Variants in MED13 observed in about 807,000 individuals in gnomAD.
MED13 encodes mediator complex subunit 13.
MED13 carries 23 observed loss-of-function variants against 225.2 expected under a neutral mutation model. The observed-to-expected ratio is 0.10, with a 90% confidence interval of 0.07 to 0.14. MED13 has a LOEUF of 0.14. Ranked by LOEUF, MED13 falls within the 10% of genes least tolerant of loss-of-function variation. MED13 has a pLI of 1.00. For missense variants in MED13, 2,197 were observed against 2,594.5 expected, an observed-to-expected ratio of 0.85 and a Z score of 3.33; for synonymous variants, 942 against 889.2, an observed-to-expected ratio of 1.06 and a Z score of -1.06.
At chr17:61,951,125 G>A in intron 27 of MED13, 127 bp from the exon 28 acceptor site, 2 of 655,004 alleles carry the variant, frequency 3.1e-6, no homozygotes, top group African/African-American at 1.9e-5. Flanking sequence ...AATACTGAAG[G>A]ATATTGAAAA....
At chr17:62,051,624 A>T (rs1456062414) in intron 3 of MED13, among the ~76,000 whole-genome samples, 1 of 148,452 alleles carries the variant, frequency 6.7e-6, no homozygotes, top group Non-Finnish European at 1.5e-5. Flanking sequence ...ACTAAAACTA[A>T]AAAGTTTGAA....
chr17:62,031,568 A>G lies in MED13; in HGVS notation c.885T>C (p.Pro295=). The G allele has an allele frequency of 6.2e-7, 1 of 1,613,842 alleles. No individual in the cohort carries two copies. Among genetic ancestry groups the G allele is most frequent in the Non-Finnish European group, 8.5e-7 (1 of 1,179,892 alleles). Residue 295 remains proline, a synonymous_variant, in exon 6 of 30, where the codon CCT becomes CCC. Transcript: ENST00000397786. The part of the protein sequence containing the change: ...VPQSDIPTPS[P]VGSTHCSSSC... ...AAGATGAACAGTGAGTGGATCCCAC[A>G]GGGCTAGGAGTAGGAATGTCTGACT...
intron 4 of MED13, among the ~76,000 whole-genome samples, chr17:62,034,668 TA>T (rs1251239860): frequency 6.6e-6 from 1 of 152,186 alleles, no homozygotes; most frequent in Non-Finnish European, 1.5e-5. Context: ...TACTGCCATG[TA>T]AACTTTAAAA....
chr17:61,951,046 A>G (rs759690966), intron 27 of MED13, 48 bp from the exon 28 acceptor site: 3 of 1,470,048 alleles, frequency 2.0e-6, no homozygotes, highest in South Asian at 2.5e-5. Flanking sequence ...AGTGTAACTA[A>G]GTACCAGATA....
chr17:62,058,648 G>A (rs1271601692), intron 2 of MED13, among the ~76,000 whole-genome samples: 2 of 151,848 alleles, frequency 1.3e-5, no homozygotes, highest in Non-Finnish European at 2.9e-5. Context: ...ATCCTATAGA[G>A]GATAAAGCAA....
Position 62,052,721 on chromosome 17 carries a change from A to T in MED13, c.302-16T>A. 1 of 1,544,272 alleles carries T rather than the reference A, an allele frequency of 6.5e-7. No individual in the cohort carries two copies. The highest frequency in any genetic ancestry group is 8.8e-7 in the Non-Finnish European group (1 of 1,141,540). On this transcript the variant is annotated splice_polypyrimidine_tract_variant and intron_variant, in intron 2 of 29. Transcript: ENST00000397786. ...TCTTCTTCTTCTAAAAGAGAAATGAAGGAAATAATAAAATAGTGACACTAT... is the reference window on the plus strand; with the variant it reads ...TCTTCTTCTTCTAAAAGAGAAATGATGGAAATAATAAAATAGTGACACTAT...
In MED13 at chr17:61,946,506, G is replaced by A; in HGVS notation, c.6487C>T (p.Leu2163=). 1 of 1,613,788 alleles carries A rather than the reference G, an allele frequency of 6.2e-7. No individual in the cohort carries two copies. Among genetic ancestry groups the A allele is most frequent in the Non-Finnish European group, 8.5e-7 (1 of 1,179,714 alleles). ...RSCLPIHFVV[L]NQLYNFIMNM... ...ATAATAAAGTTATATAACTGATTCA[G>A]CACCACAAAATGAATTGGGAGACAT... Residue 2163 remains leucine (L), a synonymous_variant, in exon 30 of 30, where the codon CTG becomes TTG. Coordinates refer to ENST00000397786, the MANE Select transcript of MED13 (RefSeq NM_005121.3).
At chr17:62,016,866 C>A (rs1417061889) in intron 8 of MED13, among the ~76,000 whole-genome samples, 1 of 151,758 alleles carries the variant, frequency 6.6e-6, no homozygotes, top group Non-Finnish European at 1.5e-5. Context: ...AAAAATTAGC[C>A]GGGTGTGGTG....
intron 3 of MED13, among the ~76,000 whole-genome samples, chr17:62,046,547 G>A (rs1011003505): frequency 6.6e-6 from 1 of 152,198 alleles, no homozygotes; most frequent in Admixed American, 6.5e-5. Context: ...CCAATTAAAA[G>A]TTGTATTTTT....
chr17:62,013,549 A>C (rs1205793255), intron 8 of MED13, among the ~76,000 whole-genome samples: 1 of 152,078 alleles, frequency 6.6e-6, no homozygotes, highest in Non-Finnish European at 1.5e-5. Flanking sequence ...ATGGATATCT[A>C]TGAAAAACTA....
At chr17:61,989,064 T>A (rs1412188095) in intron 11 of MED13, among the ~76,000 whole-genome samples, 2 of 150,410 alleles carry the variant, frequency 1.3e-5, no homozygotes, top group African/African-American at 4.9e-5. Flanking sequence ...CAGGCTGGAG[T>A]GCAGTGGCGT....
chr17:61,966,671 A>G lies in MED13; in HGVS notation c.4192-20T>C. The G allele has an allele frequency of 1.3e-6, 2 of 1,497,294 alleles. No homozygotes were observed. The highest frequency in any genetic ancestry group is 2.4e-5 in the East Asian group (1 of 41,618). The allele number at this position is 1,497,294 out of a possible 1,614,324, so 92.8% of individuals were successfully genotyped here. ...ACAGGACTACAAATATACATACAGA[A>G]AGCAGAATTAGTAAATTTATTATTG... On this transcript the variant is annotated intron_variant, in intron 18 of 29. Transcript: ENST00000397786.
chr17:61,971,000 G>C (rs943836732), intron 17 of MED13, among the ~76,000 whole-genome samples: 22 of 151,664 alleles, frequency 1.5e-4, no homozygotes, highest in African/African-American at 5.1e-4. Flanking sequence ...ACTCCAGCCA[G>C]GGTGACAGAA....
chr17:62,007,716 C>T (rs1045300688), intron 9 of MED13, among the ~76,000 whole-genome samples: 11 of 151,838 alleles, frequency 7.2e-5, no homozygotes, highest in Admixed American at 3.9e-4. Context: ...GGCATGGTGG[C>T]AGGCGCCTGT....
chr17:61,961,484 C>T lies in MED13; in HGVS notation c.5256+104G>A. 7 of 1,040,316 alleles carry T rather than the reference C, an allele frequency of 6.7e-6. No individual in the cohort carries two copies. In the South Asian group the frequency reaches 1.0e-4, roughly 15 times the overall value. 64.4% of individuals were successfully genotyped at this position (1,040,316 alleles called of 1,614,324 possible). On this transcript the variant is annotated intron_variant, in intron 22 of 29. Transcript: ENST00000397786. ...GTGGTGAGCTGAGATTGCCCCACTG[C>T]ACTCCAGCCTGGGTGACAAAGCAAG...
chr17:61,984,461 A>T, intron 14 of MED13, 94 bp from the exon 15 acceptor site: 1 of 1,028,728 alleles, frequency 9.7e-7, no homozygotes, highest in Non-Finnish European at 1.4e-6. Flanking sequence ...TCCTTTCTTT[A>T]AACAGAATAA....
At chr17:61,973,835 T>G (rs943180522) in intron 16 of MED13, among the ~76,000 whole-genome samples, 1 of 151,734 alleles carries the variant, frequency 6.6e-6, no homozygotes, top group African/African-American at 2.4e-5. Context: ...ATATAAAACT[T>G]AGCCAGGCAT....
At chr17:62,012,903 C>A (rs1432048914) in intron 8 of MED13, among the ~76,000 whole-genome samples, 2 of 151,922 alleles carry the variant, frequency 1.3e-5, no homozygotes, top group Admixed American at 6.6e-5. Context: ...AGCAGTTTTC[C>A]TGCCTCAGCC....
At chr17:62,041,629 T>G (rs931020566) in intron 3 of MED13, among the ~76,000 whole-genome samples, 3 of 151,992 alleles carry the variant, frequency 2.0e-5, no homozygotes, top group Non-Finnish European at 4.4e-5. Flanking sequence ...CAGGCTGGAG[T>G]GCAGTGGCAT....
Sources: gnomAD v4.1 joint callset for allele counts (sites outside exome capture counted in the v4.1 genomes callset) on GRCh38, gnomAD v4.1.1 for gene constraint, MANE v1.5 for transcripts, NCBI Gene and HGNC (gene_info 2026-07-23, HGNC 2026-07-21) for gene names.